The following ARHGEF10L variants were observed in gnomAD, a reference collection of about 807,000 sequenced individuals.
The protein encoded by ARHGEF10L is Rho guanine nucleotide exchange factor 10 like.
In ARHGEF10L, 69 loss-of-function variants were observed where a neutral mutation model predicts 141.2. That is an observed-to-expected ratio of 0.49 (90% confidence interval 0.40 to 0.60). ARHGEF10L has a LOEUF of 0.60. Ranked by LOEUF, ARHGEF10L falls within the 20% of genes least tolerant of loss-of-function variation. The pLI, the probability that ARHGEF10L is intolerant of heterozygous loss-of-function variation, is 0.00. For synonymous variants in ARHGEF10L, 711 were observed against 718.5 expected (o/e 0.99, Z 0.17); for missense variants, 1,482 against 1,734.3 (o/e 0.85, Z 2.58).
intron 1 of ARHGEF10L, among the ~76,000 whole-genome samples, chr1:17,552,557 G>A (rs535870411): frequency 1.1e-4 from 15 of 137,088 alleles, no homozygotes; most frequent in South Asian, 2.4e-4. Flanking sequence ...TGCTACCACA[G>A]CTGGCTAATT....
At chr1:17,549,302 T>C (rs1004601372) in intron 1 of ARHGEF10L, among the ~76,000 whole-genome samples, 7 of 152,078 alleles carry the variant, frequency 4.6e-5, no homozygotes, top group Non-Finnish European at 1.0e-4. Flanking sequence ...GGATTACAGG[T>C]GTGAGCCACG....
chr1:17,691,559 G>A (rs970752489), intron 27 of ARHGEF10L, among the ~76,000 whole-genome samples: 3 of 152,110 alleles, frequency 2.0e-5, no homozygotes, highest in Non-Finnish European at 4.4e-5. Context: ...AATTGTTCTT[G>A]TGGGTTTATG....
intron 20 of ARHGEF10L, 147 bp downstream of exon 20, chr1:17,638,836 G>T: frequency 8.2e-7 from 1 of 1,213,712 alleles, no homozygotes; most frequent in Non-Finnish European, 1.1e-6. Flanking sequence ...GCCATGTCTG[G>T]GATAGCATCT....
At chr1:17,525,632 C>T in the ARHGEF10L span, among the ~76,000 whole-genome samples, 3 of 152,154 alleles carry the variant, frequency 2.0e-5, no homozygotes, top group African/African-American at 7.2e-5. Flanking sequence ...GCACTCCAGC[C>T]TGGGCAACAG....
rs992929605 is a variant in ARHGEF10L, at chr1:17,621,058, C to T, written c.943-806C>T. Among the ~76,000 whole-genome samples, 15 of 151,898 alleles carry T rather than the reference C, an allele frequency of 9.9e-5. No individual in the cohort carries two copies. The highest frequency in any genetic ancestry group is 7.2e-4 in the Admixed American group (11 of 15,258). ...CGTGGGCCAGGCTTCTGGAGGGTTA[C>T]GGTGATGGTGGAAGGGAAAGGAGAA... On this transcript the variant is annotated intron_variant, in intron 10 of 28. Transcript: ENST00000361221. This position sits in a 1 kb window ranked among gnomAD's most constrained non-coding sequence, Gnocchi z 4.1.
chr1:17,594,064 G>A (rs1023915677), intron 4 of ARHGEF10L, among the ~76,000 whole-genome samples: 25 of 151,496 alleles, frequency 1.7e-4, no homozygotes, highest in South Asian at 4.2e-4. Context: ...GAGTGACTGC[G>A]ATGGGGGCTG....
the ARHGEF10L span, among the ~76,000 whole-genome samples, chr1:17,529,260 C>T: frequency 6.6e-6 from 1 of 152,188 alleles, no homozygotes; most frequent in African/African-American, 2.4e-5. Flanking sequence ...TCCTCGGCCT[C>T]CCAATGTGCT....
chr1:17,595,353 G>A (rs2079988742), intron 4 of ARHGEF10L, among the ~76,000 whole-genome samples: 1 of 151,022 alleles, frequency 6.6e-6, no homozygotes, highest in African/African-American at 2.4e-5. Flanking sequence ...GCCTCTCCAT[G>A]TCTGACCAAG....
intron 25 of ARHGEF10L, among the ~76,000 whole-genome samples, chr1:17,662,310 TA>T (rs572467178): frequency 4.5e-4 from 68 of 152,322 alleles, no homozygotes; most frequent in African/African-American, 1.4e-3. Context: ...TGTGCCCAGA[TA>T]AATATTCTTG....
chr1:17,695,698 G>A (rs887121238), intron 28 of ARHGEF10L, among the ~76,000 whole-genome samples: 3 of 152,210 alleles, frequency 2.0e-5, no homozygotes, highest in Admixed American at 6.5e-5. Flanking sequence ...TCAGAGGAAG[G>A]TCTGCTCTGA....
intron 28 of ARHGEF10L, 58 bp downstream of exon 28, chr1:17,695,338 G>A: frequency 6.5e-7 from 1 of 1,528,788 alleles, no homozygotes; most frequent in Non-Finnish European, 8.8e-7. Context: ...GGTGGCCAGT[G>A]GGGCTTGGCG....
Position 17,622,148 on chromosome 1 carries a change from T to C in ARHGEF10L, c.1020+207T>C, listed in dbSNP as rs139730445. ...GGTGTTCACGGGAGTGACTTCTTTG[T>C]GAACAAAATGGGATTCTTTGAAATG... On this transcript the variant is annotated intron_variant, in intron 11 of 28. Coordinates refer to ENST00000361221, the MANE Select transcript of ARHGEF10L (RefSeq NM_018125.4). Among the ~76,000 whole-genome samples, 1,382 of 152,248 alleles carry C rather than the reference T, an allele frequency of 9.1e-3. 19 individuals carry two copies. Among genetic ancestry groups the C allele is most frequent in the African/African-American group, 0.031 (1,307 of 41,532 alleles).
rs764687393 is a variant in ARHGEF10L at position 17,668,568 on chromosome 1, A to G, written c.3009+3973A>G. On this transcript the variant is annotated intron_variant, in intron 26 of 28. Coordinates refer to ENST00000361221, the MANE Select transcript of ARHGEF10L (RefSeq NM_018125.4). ...ACCAGCTGCTGTAAAGAAGGGGATC[A>G]ATATGGCCTTTCACCTGCTTTGCAC... 9.8e-5 allele frequency among the ~76,000 whole-genome samples: 15 copies of G among 152,314 alleles called. No individual in the cohort carries two copies. The East Asian group carries it at 1.7e-3, about 18-fold the overall frequency.
At chr1:17,647,446 A>G (rs2101919168) in intron 21 of ARHGEF10L, among the ~76,000 whole-genome samples, 1 of 152,276 alleles carries the variant, frequency 6.6e-6, no homozygotes, top group Non-Finnish European at 1.5e-5. Context: ...GGCTTGCTGG[A>G]AGGGAGTCCT....
At chr1:17,596,534 T>C (rs1557777330) in intron 4 of ARHGEF10L, among the ~76,000 whole-genome samples, 2 of 152,234 alleles carry the variant, frequency 1.3e-5, no homozygotes, top group African/African-American at 2.4e-5. Context: ...TGTTATGCCT[T>C]GTCCTGGCAA....
At chr1:17,645,081 C>G (rs2061519911) in intron 21 of ARHGEF10L, among the ~76,000 whole-genome samples, 1 of 152,078 alleles carries the variant, frequency 6.6e-6, no homozygotes, top group Non-Finnish European at 1.5e-5. Context: ...TCCCTGTGTC[C>G]CATGGGGAGC....
chr1:17,536,654 T>C (rs113058076), upstream of ARHGEF10L, among the ~76,000 whole-genome samples: 1 of 151,626 alleles, frequency 6.6e-6, no homozygotes, highest in African/African-American at 2.4e-5. Context: ...CTCGCCAGAG[T>C]GGAGAGTAGA....
intron 26 of ARHGEF10L, among the ~76,000 whole-genome samples, chr1:17,686,073 GTTTT>G (rs879349451): frequency 0.04 from 5,820 of 145,858 alleles, 359 homozygotes; most frequent in African/African-American, 0.13. Flanking sequence ...GTTTTGTTTT[GTTTT>G]TTTTCTTTCT....
the ARHGEF10L span, among the ~76,000 whole-genome samples, chr1:17,518,511 G>T: frequency 1.3e-5 from 2 of 152,150 alleles, no homozygotes; most frequent in Non-Finnish European, 2.9e-5. Context: ...ACTCAGTGAG[G>T]CCAGGCGCAG....
Sources: gnomAD v4.1 joint callset for allele counts (sites outside exome capture counted in the v4.1 genomes callset) on GRCh38, gnomAD v4.1.1 for gene constraint, Gnocchi (gnomAD v3.1) non-coding constraint, MANE v1.5 for transcripts, NCBI Gene and HGNC (gene_info 2026-07-23, HGNC 2026-07-21) for gene names.